Variants in PGAP1 observed in about 807,000 individuals in gnomAD.
PGAP1 encodes the protein post-GPI attachment to proteins inositol deacylase 1, also known as GPI inositol-deacylase.
In PGAP1, 76 loss-of-function variants were observed where a neutral mutation model predicts 127.0. The ratio of observed to expected loss-of-function variants is 0.60; its 90% CI spans 0.50 to 0.72. The LOEUF (loss-of-function observed/expected upper bound fraction) is 0.72, where lower values mean the gene tolerates loss of function less well. Among genes scored for constraint, PGAP1 ranks in the 30% least tolerant of loss-of-function variants. The pLI, the probability that PGAP1 is intolerant of heterozygous loss-of-function variation, is 0.00. For missense variants in PGAP1, 982 were observed against 1,071.3 expected (o/e 0.92, Z 1.16); for synonymous variants, 362 against 366.5 (o/e 0.99, Z 0.14).
intron 8 of PGAP1, 108 bp from the exon 9 acceptor site, chr2:196,892,509 G>A: frequency 1.9e-6 from 1 of 537,452 alleles, no homozygotes; most frequent in Non-Finnish European, 3.3e-6. Flanking sequence ...ATAAAGAAGT[G>A]GTTTTCTGAA....
chr2:196,893,187 G>A lies in PGAP1; in HGVS notation c.986C>T (p.Pro329Leu). 6.2e-7 allele frequency: 1 copy of A among 1,600,694 alleles called. No homozygotes were observed. Among genetic ancestry groups the A allele is most frequent in the Non-Finnish European group, 8.5e-7 (1 of 1,171,794 alleles). Residue 329 changes from proline to leucine, a missense_variant, in exon 8 of 27, where the codon CCA (proline) becomes CTA (leucine). By Grantham distance (98) the Pro-to-Leu change is moderately conservative. Coordinates refer to ENST00000354764, the MANE Select transcript of PGAP1 (RefSeq NM_024989.4). ...TGGATTTTCCTCAAAATGTTTTGATGGGTGTCTTATAAAGTGGTGATACAA... is the reference window on the plus strand; with the variant it reads ...TGGATTTTCCTCAAAATGTTTTGATAGGTGTCTTATAAAGTGGTGATACAA... ...SVLYHHFIRH[P>L]SKHFEENPAI... is the part of the protein sequence containing the mutation.
chr2:196,880,283 C>T, intron 12 of PGAP1, 130 bp from the exon 13 acceptor site: 1 of 547,724 alleles, frequency 1.8e-6, no homozygotes, highest in Non-Finnish European at 3.1e-6. Flanking sequence ...ATGTTCAGTA[C>T]TTCATAAAAT....
At chr2:196,864,435 G>A (rs1361356379) in intron 20 of PGAP1, among the ~76,000 whole-genome samples, 1 of 150,220 alleles carries the variant, frequency 6.7e-6, no homozygotes, top group Non-Finnish European at 1.5e-5. Flanking sequence ...TAATATTAGG[G>A]CACTATTGTT....
intron 26 of PGAP1, among the ~76,000 whole-genome samples, chr2:196,841,878 T>G (rs1700423311): frequency 6.6e-6 from 1 of 152,156 alleles, no homozygotes; most frequent in African/African-American, 2.4e-5. Flanking sequence ...AAGAAAAATA[T>G]TTCTATTTAA....
At chr2:196,860,945 A>G (rs1443858250) in intron 20 of PGAP1, among the ~76,000 whole-genome samples, 1 of 152,222 alleles carries the variant, frequency 6.6e-6, no homozygotes, top group East Asian at 1.9e-4. Context: ...AATACACTAC[A>G]AAGATATGGC....
At chr2:196,864,796 A>G (rs2125792854) in intron 20 of PGAP1, among the ~76,000 whole-genome samples, 191 bp downstream of exon 20, 1 of 152,288 alleles carries the variant, frequency 6.6e-6, no homozygotes, top group South Asian at 2.1e-4. Flanking sequence ...TCAAGAACAG[A>G]ATAGTAGCTA....
intron 16 of PGAP1, 71 bp downstream of exon 16, chr2:196,873,457 T>C (rs1701467359): frequency 9.4e-7 from 1 of 1,068,238 alleles, no homozygotes; most frequent in Non-Finnish European, 1.4e-6. Flanking sequence ...TATAGAAAAT[T>C]TGAGTTAACA....
intron 13 of PGAP1, among the ~76,000 whole-genome samples, chr2:196,876,983 C>A (rs372370446): frequency 2.0e-5 from 3 of 152,006 alleles, no homozygotes; most frequent in Non-Finnish European, 2.9e-5. Context: ...TTACTCATTA[C>A]ATTTTTTACA....
intron 13 of PGAP1, among the ~76,000 whole-genome samples, chr2:196,878,095 C>T (rs990724011): frequency 4.6e-5 from 7 of 152,006 alleles, no homozygotes; most frequent in Non-Finnish European, 8.8e-5. Flanking sequence ...CATTTTCTTT[C>T]TTACCCACTA....
At chr2:196,899,257 A>C (rs1190120879) in intron 5 of PGAP1, among the ~76,000 whole-genome samples, 1 of 152,244 alleles carries the variant, frequency 6.6e-6, no homozygotes, top group Non-Finnish European at 1.5e-5. Flanking sequence ...AAATTTACAG[A>C]GGCCTAAAAT....
chr2:196,835,809 CTCTT>C lies in PGAP1; in HGVS notation c.*5421_*5424del, dbSNP rs1331711236. 3.3e-5 allele frequency: 5 copies of C among 152,334 alleles called. No individual in the cohort carries two copies. The highest frequency in any genetic ancestry group is 1.2e-4 in the African/African-American group (5 of 41,414). The allele number at this position is 152,334 out of a possible 1,614,324, so 9.4% of individuals were successfully genotyped here. On this transcript the variant is annotated 3_prime_UTR_variant, in exon 27 of 27. Coordinates refer to ENST00000354764, the MANE Select transcript of PGAP1 (RefSeq NM_024989.4). Reference sequence around the variant, plus strand: ...TATGCTAAAGAGAATTCAAATGTGTCTCTTTTTTTTGCTAAAAAAGGGATGTAAA... The same window carrying C: ...TATGCTAAAGAGAATTCAAATGTGTCTTTTTTGCTAAAAAAGGGATGTAAA...
At chr2:196,919,918 G>C in intron 2 of PGAP1, 79 bp downstream of exon 2, 2 of 1,407,342 alleles carry the variant, frequency 1.4e-6, no homozygotes, top group Non-Finnish European at 1.9e-6. Context: ...TACTTTATTT[G>C]ATTCACCGAG....
At chr2:196,857,221 C>T (rs970187454) in intron 20 of PGAP1, among the ~76,000 whole-genome samples, 1 of 152,162 alleles carries the variant, frequency 6.6e-6, no homozygotes, top group African/African-American at 2.4e-5. Flanking sequence ...AATCAATGTA[C>T]GAAAATCACT....
Position 196,836,139 on chromosome 2 carries a change from A to G in PGAP1, c.*5095T>C, listed in dbSNP as rs1181707930. 1 of 152,538 alleles carries G rather than the reference A, an allele frequency of 6.6e-6. No individual in the cohort carries two copies. The highest frequency in any genetic ancestry group is 1.5e-5 in the Non-Finnish European group (1 of 67,946). The allele number at this position is 152,538 out of a possible 1,614,324, so 9.4% of individuals were successfully genotyped here. ...TCATAAGTGTTCAAAGTTACAATGT[A>G]CAGAATGAGTACAGACAGATTCTGA... On this transcript the variant is annotated 3_prime_UTR_variant, in exon 27 of 27. Coordinates refer to ENST00000354764, the MANE Select transcript of PGAP1 (RefSeq NM_024989.4).
chr2:196,880,371 C>A (rs1363717600), intron 12 of PGAP1, among the ~76,000 whole-genome samples: 1 of 151,784 alleles, frequency 6.6e-6, no homozygotes, highest in African/African-American at 2.4e-5. Context: ...ATAGGAACTG[C>A]CAAAAATATT....
In PGAP1 at chr2:196,840,794, G is replaced by T. The variant is rs1417776820; in HGVS notation, c.*440C>A. On this transcript the variant is annotated 3_prime_UTR_variant, in exon 27 of 27. Transcript: ENST00000354764. ...CTATAAATTTCATCAGTTATTTAAA[G>T]ACTTATTTCTTAATAGGTAAACTAT... The T allele has an allele frequency of 6.6e-6, 1 of 152,604 alleles. No homozygotes were observed. The highest frequency in any genetic ancestry group is 1.5e-5 in the Non-Finnish European group (1 of 68,422). 9.5% of individuals were successfully genotyped at this position (152,604 alleles called of 1,614,324 possible).
intron 19 of PGAP1, among the ~76,000 whole-genome samples, chr2:196,867,368 C>T (rs1701276131): frequency 6.6e-6 from 1 of 152,150 alleles, no homozygotes. Flanking sequence ...AGCAAACTAA[C>T]ACAAGAACAG....
chr2:196,858,853 G>T (rs112744918), intron 20 of PGAP1, among the ~76,000 whole-genome samples: 24 of 152,184 alleles, frequency 1.6e-4, no homozygotes, highest in African/African-American at 5.3e-4. Context: ...AATAAAATCA[G>T]AGACAAAGAA....
At chr2:196,883,637 G>A (rs551300298) in intron 12 of PGAP1, among the ~76,000 whole-genome samples, 1 of 152,202 alleles carries the variant, frequency 6.6e-6, no homozygotes, top group East Asian at 1.9e-4. Context: ...GTGCTTTGAT[G>A]GAGGGCTCCA....
Sources: gnomAD v4.1 joint callset for allele counts (sites outside exome capture counted in the v4.1 genomes callset) on GRCh38, gnomAD v4.1.1 for gene constraint, MANE v1.5 for transcripts, NCBI Gene and HGNC (gene_info 2026-07-23, HGNC 2026-07-21) for gene names.